ADORA1: variants seen among roughly 807,000 people sequenced by gnomAD.
The protein encoded by ADORA1 is adenosine A1 receptor.
ADORA1 carries 6 observed loss-of-function variants against 19.9 expected under a neutral mutation model. The ratio of observed to expected loss-of-function variants is 0.30; its 90% CI spans 0.17 to 0.59. ADORA1 has a LOEUF of 0.59. Ranked by LOEUF, ADORA1 falls within the 20% of genes least tolerant of loss-of-function variation. ADORA1 has a pLI of 0.87. For synonymous variants in ADORA1, 194 were observed against 188.4 expected, an observed-to-expected ratio of 1.03 and a Z score of -0.24; for missense variants, 302 against 439.2, an observed-to-expected ratio of 0.69 and a Z score of 2.79.
chr1:203,141,050 C>T (rs978513611), intron 3 of ADORA1, among the ~76,000 whole-genome samples: 3 of 152,188 alleles, frequency 2.0e-5, no homozygotes, highest in Non-Finnish European at 4.4e-5. Flanking sequence ...CTGTAGAGCA[C>T]TGAGTGGCCC....
chr1:203,138,487 C>A (rs748995225), intron 3 of ADORA1, among the ~76,000 whole-genome samples: 6 of 152,120 alleles, frequency 3.9e-5, no homozygotes, highest in Admixed American at 1.3e-4. Flanking sequence ...AAGGAGAACT[C>A]CAGACATAGG....
chr1:203,131,563 T>A (rs934725020), intron 3 of ADORA1, among the ~76,000 whole-genome samples: 1 of 152,198 alleles, frequency 6.6e-6, no homozygotes, highest in South Asian at 2.1e-4. Context: ...TCCCCACTTC[T>A]GATTCAGGGC....
Position 203,128,436 on chromosome 1 carries a change from A to G in ADORA1, c.-58+4A>G, listed in dbSNP as rs1463416636. The G allele has an allele frequency of 7.7e-7, 1 of 1,293,178 alleles. No homozygotes were observed. The highest frequency in any genetic ancestry group is 1.0e-6 in the Non-Finnish European group (1 of 991,448). The allele number at this position is 1,293,178 out of a possible 1,614,324, so 80.1% of individuals were successfully genotyped here. A position where few individuals can be genotyped will look rare whatever the true frequency, so the allele number is the denominator to read the frequency against. Reference sequence around the variant, plus strand: ...CTGCCGGCCAGCAGGCAGGATGGTGAGCTCCCTGCATCCTGTTCTGTGCAC... The same window carrying G: ...CTGCCGGCCAGCAGGCAGGATGGTGGGCTCCCTGCATCCTGTTCTGTGCAC... On this transcript the variant is annotated splice_donor_region_variant and intron_variant, in intron 2 of 3. Coordinates refer to ENST00000337894, the MANE Select transcript of ADORA1 (RefSeq NM_000674.3). The surrounding 1 kb of genome is among the most constrained non-coding windows in gnomAD (Gnocchi z 5.9).
At chr1:203,150,770 A>G (rs1434092722) in intron 3 of ADORA1, 2 of 1,289,718 alleles carry the variant, frequency 1.6e-6, no homozygotes, top group South Asian at 1.2e-5. Context: ...CTTTGGAAAG[A>G]TTTCCAAGGT....
rs139946190 is a variant in ADORA1 at position 203,165,542 on chromosome 1, G to A, written c.623G>A (p.Arg208His). The part of the protein sequence containing the change: ...LIYLEVFYLI[R>H]KQLNKKVSAS... ...TACCTGGAGGTCTTCTACCTAATCCGCAAGCAGCTCAACAAGAAGGTGTCG... is the reference window on the plus strand; with the variant it reads ...TACCTGGAGGTCTTCTACCTAATCCACAAGCAGCTCAACAAGAAGGTGTCG... The change falls in exon 4 of 4, where the codon CGC (arginine) becomes CAC (histidine). Residue 208 changes from arginine to histidine, a missense_variant. Transcript: ENST00000337894. The surrounding 1 kb of genome is among the most constrained non-coding windows in gnomAD (Gnocchi z 5.9). The A allele has an allele frequency of 1.3e-4, 212 of 1,613,734 alleles. No individual in the cohort carries two copies. The highest frequency in any genetic ancestry group is 1.7e-4 in the Non-Finnish European group (196 of 1,179,800).
intron 3 of ADORA1, among the ~76,000 whole-genome samples, chr1:203,131,648 T>G (rs1379740358): frequency 6.6e-6 from 1 of 152,224 alleles, no homozygotes; most frequent in Non-Finnish European, 1.5e-5. Context: ...GGGAGTGTCC[T>G]GCCCCATGGA....
Position 203,128,259 on chromosome 1 carries a change from C to T in ADORA1, c.-212-19C>T, listed in dbSNP as rs1474151722. 8.4e-7 allele frequency: 1 copy of T among 1,197,028 alleles called. No individual in the cohort carries two copies. Among genetic ancestry groups the T allele is most frequent in the African/African-American group, 1.6e-5 (1 of 63,750 alleles). 74.2% of individuals were successfully genotyped at this position (1,197,028 alleles called of 1,614,324 possible). On this transcript the variant is annotated intron_variant, in intron 1 of 3. Transcript: ENST00000337894. The surrounding 1 kb of genome is among the most constrained non-coding windows in gnomAD (Gnocchi z 5.9). ...CGTCCGGGGCTGAGTCTCTGCCGTACCATGTGATTGCTTGAAAGGCCGGGC... is the reference window on the plus strand; with the variant it reads ...CGTCCGGGGCTGAGTCTCTGCCGTATCATGTGATTGCTTGAAAGGCCGGGC...
chr1:203,151,384 G>T (rs1655028726), intron 3 of ADORA1, among the ~76,000 whole-genome samples: 1 of 152,224 alleles, frequency 6.6e-6, no homozygotes, highest in African/African-American at 2.4e-5. Flanking sequence ...GACCCGTTCT[G>T]TACGAAGGTT....
Position 203,128,998 on chromosome 1 carries a change from G to A in ADORA1, c.157G>A (p.Val53Met), listed in dbSNP as rs61731146. 565 of 1,614,182 alleles carry A rather than the reference G, an allele frequency of 3.5e-4. 3 individuals carry two copies. In the African/African-American group the frequency reaches 6.5e-3, roughly 19 times the overall value. The stretch of plus-strand genomic sequence containing the variant: ...CTTCTGCTTCATCGTGTCGCTGGCG[G>A]TGGCTGATGTGGCCGTGGGTGCCCT... ...ATFCFIVSLA[V>M]ADVAVGALVI... Residue 53 changes from valine to methionine, a missense_variant, in exon 3 of 4, where the codon GTG becomes ATG. Physicochemically the swap from Val to Met is conservative, Grantham distance 21. Coordinates refer to ENST00000337894, the MANE Select transcript of ADORA1 (RefSeq NM_000674.3). This position sits in a 1 kb window ranked among gnomAD's most constrained non-coding sequence, Gnocchi z 5.9.
At position 203,128,985 on chromosome 1, in the gene ADORA1, C is replaced by T. The variant is rs1301407642; in HGVS notation, c.144C>T (p.Ile48=). 3 of 1,614,170 alleles carry T rather than the reference C, an allele frequency of 1.9e-6. No homozygotes were observed. Among genetic ancestry groups the T allele is most frequent in the Non-Finnish European group, 2.5e-6 (3 of 1,180,034 alleles). The change falls in exon 3 of 4, where the codon ATC becomes ATT. Residue 48 remains isoleucine (I), a synonymous_variant. Coordinates refer to ENST00000337894, the MANE Select transcript of ADORA1 (RefSeq NM_000674.3). This position sits in a 1 kb window ranked among gnomAD's most constrained non-coding sequence, Gnocchi z 5.9. The part of the protein sequence containing the change: ...QALRDATFCF[I]VSLAVADVAV... Reference sequence around the variant, plus strand: ...TGCGGGATGCCACCTTCTGCTTCATCGTGTCGCTGGCGGTGGCTGATGTGG... The same window carrying T: ...TGCGGGATGCCACCTTCTGCTTCATTGTGTCGCTGGCGGTGGCTGATGTGG...
At chr1:203,136,070 G>T (rs1654496760) in intron 3 of ADORA1, among the ~76,000 whole-genome samples, 1 of 152,170 alleles carries the variant, frequency 6.6e-6, no homozygotes, top group African/African-American at 2.4e-5. Flanking sequence ...TCATTCGGCA[G>T]GTGGGGACAG....
chr1:203,146,626 C>CAAA (rs543486969), intron 3 of ADORA1, among the ~76,000 whole-genome samples: 2 of 95,322 alleles, frequency 2.1e-5, no homozygotes, highest in Non-Finnish European at 2.1e-5. Flanking sequence ...AAGCCTGTCT[C>CAAA]AAAAAAAAAA....
At chr1:203,147,446 T>C (rs897228837) in intron 3 of ADORA1, among the ~76,000 whole-genome samples, 24 of 152,360 alleles carry the variant, frequency 1.6e-4, no homozygotes, top group African/African-American at 5.5e-4. Flanking sequence ...TTTCTTTTTC[T>C]GGGCTTCCTC....
intron 3 of ADORA1, chr1:203,150,499 C>A: frequency 2.6e-6 from 2 of 757,418 alleles, no homozygotes; most frequent in Non-Finnish European, 3.7e-6. Flanking sequence ...TCAGGAGATA[C>A]CAGGAGGGTC....
At chr1:203,150,603 CG>C in intron 3 of ADORA1, 1 of 1,285,582 alleles carries the variant, frequency 7.8e-7, no homozygotes, top group Non-Finnish European at 1.0e-6. Flanking sequence ...AGGCCAGGAT[CG>C]GGGAGAATAT....
chr1:203,158,237 A>G (rs1423575600), intron 3 of ADORA1, among the ~76,000 whole-genome samples: 2 of 152,196 alleles, frequency 1.3e-5, no homozygotes, highest in Admixed American at 6.5e-5. Context: ...TTGTTTGTAT[A>G]TTTCTTCTGC....
chr1:203,161,245 C>G (rs1655357101), intron 3 of ADORA1, among the ~76,000 whole-genome samples: 1 of 152,194 alleles, frequency 6.6e-6, no homozygotes, highest in Admixed American at 6.5e-5. Context: ...ATGTTATCAT[C>G]ATCAATGAGA....
chr1:203,132,674 C>A (rs1654379194), intron 3 of ADORA1, among the ~76,000 whole-genome samples: 1 of 152,088 alleles, frequency 6.6e-6, no homozygotes. Context: ...GAAACCCCAT[C>A]ACTACTAAAA....
At chr1:203,151,088 A>G (rs1655017288) in intron 3 of ADORA1, among the ~76,000 whole-genome samples, 1 of 152,164 alleles carries the variant, frequency 6.6e-6, no homozygotes, top group Admixed American at 6.5e-5. Context: ...TCCTTGGTGG[A>G]AACAGGCCTT....
Sources: allele counts gnomAD v4.1 joint callset (sites outside exome capture counted in the v4.1 genomes callset), GRCh38; gene constraint gnomAD v4.1.1; non-coding constraint Gnocchi (gnomAD v3.1); transcripts MANE v1.5; gene names NCBI Gene and HGNC (gene_info 2026-07-23, HGNC 2026-07-21).